The following CDH12 variants were observed in gnomAD, a reference collection of about 807,000 sequenced individuals.
CDH12 encodes cadherin 12.
In CDH12, 41 loss-of-function variants were observed where a neutral mutation model predicts 74.1. The observed-to-expected ratio is 0.55, with a 90% CI of 0.43 to 0.72. The LOEUF (loss-of-function observed/expected upper bound fraction) is 0.72. CDH12 is among the 30% of genes least tolerant of loss of function. CDH12 has a pLI of 0.00. For synonymous variants in CDH12, 399 were observed against 355.0 expected (o/e 1.12, Z -1.39); for missense variants, 945 against 977.2 (o/e 0.97, Z 0.44).
intron 11 of CDH12, among the ~76,000 whole-genome samples, chr5:21,770,189 A>G (rs1256555244): frequency 2.6e-5 from 4 of 152,210 alleles, no homozygotes; most frequent in Non-Finnish European, 1.5e-5. Context: ...ATGTGTTTCC[A>G]AGAACCAAAT....
intron 10 of CDH12, among the ~76,000 whole-genome samples, chr5:21,795,010 CAT>C: frequency 6.6e-6 from 1 of 151,346 alleles, no homozygotes; most frequent in East Asian, 1.9e-4. Context: ...GAATATTATC[CAT>C]ATATATTATA....
At chr5:22,772,819 G>C (rs1351634993) in intron 1 of CDH12, among the ~76,000 whole-genome samples, 1 of 152,034 alleles carries the variant, frequency 6.6e-6, no homozygotes, top group African/African-American at 2.4e-5. Context: ...TAAGAAGGCT[G>C]TTTGATGGTG....
intron 3 of CDH12, among the ~76,000 whole-genome samples, chr5:22,287,903 A>G (rs934086171): frequency 1.3e-5 from 2 of 152,138 alleles, no homozygotes; most frequent in South Asian, 4.1e-4. Flanking sequence ...AAGGGTGTCC[A>G]TTTCCTTTTC....
chr5:22,119,716 T>A (rs1379737873), intron 4 of CDH12, among the ~76,000 whole-genome samples: 1 of 152,188 alleles, frequency 6.6e-6, no homozygotes, highest in African/African-American at 2.4e-5. Context: ...AAGGTATCCA[T>A]GCCTCGATTA....
chr5:22,046,496 G>A (rs939913353), intron 5 of CDH12, among the ~76,000 whole-genome samples: 2 of 145,530 alleles, frequency 1.4e-5, no homozygotes, highest in African/African-American at 2.6e-5. Flanking sequence ...GCAGTGGCGC[G>A]ATTTGGCTCA....
chr5:22,465,208 T>C lies in CDH12; in HGVS notation c.-428+40062A>G, dbSNP rs866072782. On this transcript the variant is annotated intron_variant, in intron 2 of 14. Transcript: ENST00000382254. Reference sequence around the variant, plus strand: ...CTAATTCCTGGAAGTTCACATATTATTTGAATTTTTTGGAAAACCAGTGCC... The same window carrying C: ...CTAATTCCTGGAAGTTCACATATTACTTGAATTTTTTGGAAAACCAGTGCC... Among the ~76,000 whole-genome samples, 8 of 152,342 alleles carry C rather than the reference T, an allele frequency of 5.3e-5. No homozygotes were observed. The Middle Eastern group carries it at 0.01, about 194-fold the overall frequency.
At position 22,126,982 on chromosome 5, in the gene CDH12, C is replaced by T. The variant is rs1466705997; in HGVS notation, c.-186-48120G>A. Among the ~76,000 whole-genome samples, 9 of 152,146 alleles carry T rather than the reference C, an allele frequency of 5.9e-5. No homozygotes were observed. The South Asian group carries it at 1.0e-3, about 18-fold the overall frequency. On this transcript the variant is annotated intron_variant, in intron 4 of 14. Coordinates refer to ENST00000382254, the MANE Select transcript of CDH12 (RefSeq NM_004061.5). ...CAAAATTCACCAAAGAATGAGGAAG[C>T]GAACATGTGTTAAAAGAGGGACTTC...
chr5:22,718,679 A>C (rs1325539883), intron 1 of CDH12, among the ~76,000 whole-genome samples: 1 of 152,056 alleles, frequency 6.6e-6, no homozygotes, highest in Non-Finnish European at 1.5e-5. Context: ...GACAATGGAG[A>C]CTCAAAGTAT....
intron 4 of CDH12, among the ~76,000 whole-genome samples, chr5:22,153,879 T>A (rs1747797117): frequency 5.0e-5 from 3 of 59,646 alleles, no homozygotes; most frequent in Admixed American, 5.4e-4. Context: ...TATGTATATA[T>A]ATATATATAA....
chr5:22,689,915 T>C (rs1243608616), intron 1 of CDH12, among the ~76,000 whole-genome samples: 2 of 151,952 alleles, frequency 1.3e-5, no homozygotes, highest in African/African-American at 4.8e-5. Context: ...AGCTATAAAA[T>C]ACATGAAAGA....
At chr5:22,037,119 A>G (rs1034864143) in intron 5 of CDH12, among the ~76,000 whole-genome samples, 1 of 152,232 alleles carries the variant, frequency 6.6e-6, no homozygotes, top group Non-Finnish European at 1.5e-5. Flanking sequence ...GGCAAGCCGT[A>G]AAGCTTGAAA....
chr5:21,807,018 T>C (rs1414844028), intron 9 of CDH12, among the ~76,000 whole-genome samples: 1 of 152,164 alleles, frequency 6.6e-6, no homozygotes, highest in Non-Finnish European at 1.5e-5. Flanking sequence ...TTCTATAGTC[T>C]CTTACTGCTC....
chr5:22,077,002 T>G (rs1210265742), intron 5 of CDH12, among the ~76,000 whole-genome samples: 1 of 151,854 alleles, frequency 6.6e-6, no homozygotes, highest in African/African-American at 2.4e-5. Flanking sequence ...TGACTCCTGG[T>G]AGGCAGCCTG....
chr5:21,973,250 C>T (rs940717286), intron 6 of CDH12, among the ~76,000 whole-genome samples: 2 of 151,960 alleles, frequency 1.3e-5, no homozygotes, highest in Non-Finnish European at 2.9e-5. Context: ...CACTGAAAAT[C>T]AATTTAAGTA....
At chr5:22,195,824 A>G (rs1750583241) in intron 4 of CDH12, among the ~76,000 whole-genome samples, 1 of 152,086 alleles carries the variant, frequency 6.6e-6, no homozygotes, top group South Asian at 2.1e-4. Context: ...ATTTAGCTCA[A>G]TATGAGGGAA....
intron 3 of CDH12, among the ~76,000 whole-genome samples, chr5:22,392,610 G>A (rs1221017995): frequency 1.3e-5 from 2 of 152,192 alleles, no homozygotes; most frequent in African/African-American, 2.4e-5. Flanking sequence ...AACTCCAACA[G>A]TGAGGCCAGA....
rs543796284 is a variant in CDH12, at chr5:22,696,259, T to C, written c.-523+156799A>G. ...GGTGGCGGGCACCTGTAGTCCCAGC[T>C]ACTCAGGAGGCTAAGGCAGGAGAAT... On this transcript the variant is annotated intron_variant, in intron 1 of 14. Transcript: ENST00000382254. 4.2e-3 allele frequency among the ~76,000 whole-genome samples: 625 copies of C among 149,424 alleles called. 9 individuals carry two copies. Among genetic ancestry groups the C allele is most frequent in the African/African-American group, 0.015 (602 of 40,328 alleles).
At chr5:22,671,536 C>T (rs180880904) in intron 1 of CDH12, among the ~76,000 whole-genome samples, 1 of 152,234 alleles carries the variant, frequency 6.6e-6, no homozygotes, top group African/African-American at 2.4e-5. Flanking sequence ...AAGTAGTTTA[C>T]TCCCCAACAT....
At position 22,111,899 on chromosome 5, in the gene CDH12, C is replaced by T. The variant is rs578022457; in HGVS notation, c.-186-33037G>A. On this transcript the variant is annotated intron_variant, in intron 4 of 14. Transcript: ENST00000382254. ...GCTTGAAATTAATGACTTTTCGTGT[C>T]TATATTACATGTATTTCTGTTCTAG... is the stretch of plus-strand genomic sequence containing the variant. Among the ~76,000 whole-genome samples, 8 of 152,074 alleles carry T rather than the reference C, an allele frequency of 5.3e-5. No homozygotes were observed. The South Asian group carries it at 1.2e-3, about 24-fold the overall frequency.
Sources: allele counts gnomAD v4.1 joint callset (sites outside exome capture counted in the v4.1 genomes callset), GRCh38; gene constraint gnomAD v4.1.1; transcripts MANE v1.5; gene names NCBI Gene and HGNC (gene_info 2026-07-23, HGNC 2026-07-21).